The following STK38L variants were observed in gnomAD, a reference collection of about 807,000 sequenced individuals.
The protein encoded by STK38L is serine/threonine kinase 38 like, also known as serine/threonine-protein kinase 38-like.
A neutral mutation model predicts 59.7 loss-of-function variants in STK38L; 28 were observed. That is an observed-to-expected ratio of 0.47 (90% confidence interval 0.35 to 0.64). The LOEUF (loss-of-function observed/expected upper bound fraction) is 0.64, where lower values mean the gene tolerates loss of function less well. Ranked by LOEUF, STK38L falls within the 30% of genes least tolerant of loss-of-function variation. The pLI is 0.01. For missense variants in STK38L, 314 were observed against 555.8 expected (o/e 0.56, Z 4.37); for synonymous variants, 162 against 176.8 (o/e 0.92, Z 0.66).
intron 1 of STK38L, among the ~76,000 whole-genome samples, chr12:27,293,174 C>A (rs985947476): frequency 3.3e-5 from 5 of 152,204 alleles, no homozygotes; most frequent in African/African-American, 1.2e-4. Context: ...TTTGAATTCC[C>A]TAACACTTCT....
chr12:27,296,249 A>C (rs1170691036), intron 1 of STK38L, among the ~76,000 whole-genome samples: 1 of 152,226 alleles, frequency 6.6e-6, no homozygotes, highest in Non-Finnish European at 1.5e-5. Flanking sequence ...ATATGTAGCT[A>C]ATTTGACTTG....
intron 1 of STK38L, among the ~76,000 whole-genome samples, chr12:27,291,788 G>T (rs1343403666): frequency 4.6e-5 from 7 of 152,156 alleles, no homozygotes; most frequent in Admixed American, 4.6e-4. Flanking sequence ...ATACTACAAG[G>T]CAATATAGTA....
At chr12:27,305,737 T>C (rs1185074468) in intron 3 of STK38L, among the ~76,000 whole-genome samples, 2 of 152,214 alleles carry the variant, frequency 1.3e-5, no homozygotes, top group Admixed American at 1.3e-4. Context: ...AGAAAAGCAC[T>C]TTCTAGTTTC....
intron 1 of STK38L, among the ~76,000 whole-genome samples, chr12:27,257,965 G>T (rs1371058580): frequency 1.3e-5 from 2 of 151,508 alleles, no homozygotes; most frequent in East Asian, 3.9e-4. Context: ...GGGTTCAAGT[G>T]ATTCTCCTGC....
chr12:27,277,357 A>ACG (rs1344481738), intron 1 of STK38L, among the ~76,000 whole-genome samples: 2 of 148,818 alleles, frequency 1.3e-5, no homozygotes, highest in Non-Finnish European at 3.0e-5. Context: ...CTCAAAAAAC[A>ACG]CACACACACA....
At chr12:27,250,825 C>T (rs1006667178) in intron 1 of STK38L, among the ~76,000 whole-genome samples, 2 of 151,862 alleles carry the variant, frequency 1.3e-5, no homozygotes, top group Non-Finnish European at 2.9e-5. Flanking sequence ...ATGGCCAAAC[C>T]TCGTCTCTAC....
intron 1 of STK38L, among the ~76,000 whole-genome samples, chr12:27,250,009 C>A (rs1196468996): frequency 6.6e-6 from 1 of 152,142 alleles, no homozygotes; most frequent in Non-Finnish European, 1.5e-5. Flanking sequence ...GCTACAGATA[C>A]ACCCAGAATA....
intron 5 of STK38L, among the ~76,000 whole-genome samples, chr12:27,312,214 T>A (rs890746084): frequency 2.0e-5 from 3 of 152,170 alleles, no homozygotes; most frequent in African/African-American, 4.8e-5. Flanking sequence ...ATCACACTAG[T>A]GCCCTAAATT....
intron 1 of STK38L, among the ~76,000 whole-genome samples, chr12:27,257,028 A>G (rs1943105006): frequency 6.6e-6 from 1 of 152,218 alleles, no homozygotes; most frequent in Non-Finnish European, 1.5e-5. Context: ...GTCGTTAGCT[A>G]TGAACATTTT....
intron 1 of STK38L, among the ~76,000 whole-genome samples, chr12:27,245,133 G>T (rs1304085729): frequency 6.6e-6 from 1 of 152,136 alleles, no homozygotes; most frequent in Non-Finnish European, 1.5e-5. Context: ...AGCTTTTCGG[G>T]TTCTAAGTTT....
chr12:27,281,004 A>G (rs1214469762), intron 1 of STK38L, among the ~76,000 whole-genome samples: 1 of 152,120 alleles, frequency 6.6e-6, no homozygotes, highest in Non-Finnish European at 1.5e-5. Flanking sequence ...CATGTAAGAG[A>G]AGACCAGTAA....
At chr12:27,261,626 A>G (rs1408169106) in intron 1 of STK38L, among the ~76,000 whole-genome samples, 6 of 152,150 alleles carry the variant, frequency 3.9e-5, no homozygotes, top group African/African-American at 1.2e-4. Context: ...CTCTTCTTCC[A>G]TTTTCAGCTT....
intron 1 of STK38L, among the ~76,000 whole-genome samples, chr12:27,284,764 C>T (rs1344344914): frequency 6.6e-6 from 1 of 152,112 alleles, no homozygotes; most frequent in African/African-American, 2.4e-5. Flanking sequence ...TGGTGTGGTC[C>T]TGTTCATTGC....
chr12:27,260,492 G>T (rs1671137853), intron 1 of STK38L, among the ~76,000 whole-genome samples: 1 of 152,040 alleles, frequency 6.6e-6, no homozygotes. Context: ...TCTTTGCGGG[G>T]TTTTACACGT....
At position 27,267,058 on chromosome 12, in the gene STK38L, G is replaced by C. The variant is rs1163626396; in HGVS notation, c.-12+22726G>C. 2.0e-5 allele frequency among the ~76,000 whole-genome samples: 3 copies of C among 152,100 alleles called. No homozygotes were observed. The East Asian group carries it at 5.8e-4, about 29-fold the overall frequency. On this transcript the variant is annotated intron_variant, in intron 1 of 13. Coordinates refer to ENST00000389032, the MANE Select transcript of STK38L (RefSeq NM_015000.4). ...CTCAATTTTACAGTTTCGGGTTTTT[G>C]TTTCTGTTGCAGGTTTTAAGCTCTT...
chr12:27,261,577 C>G (rs779158632), intron 1 of STK38L, among the ~76,000 whole-genome samples: 4 of 152,186 alleles, frequency 2.6e-5, no homozygotes, highest in Admixed American at 1.3e-4. Flanking sequence ...GCCCAGCCAG[C>G]TTCTTTCATT....
chr12:27,287,097 T>TA (rs1173270725), intron 1 of STK38L, among the ~76,000 whole-genome samples: 1 of 150,822 alleles, frequency 6.6e-6, no homozygotes, highest in African/African-American at 2.5e-5. Context: ...TGCTTTTAGA[T>TA]ACACTTTTTT....
chr12:27,293,242 T>G (rs187262288), intron 1 of STK38L, among the ~76,000 whole-genome samples: 1 of 152,378 alleles, frequency 6.6e-6, no homozygotes, highest in East Asian at 1.9e-4. Context: ...TCAAAAGTTT[T>G]GTCCACCTCT....
At chr12:27,295,217 A>G (rs1183618925) in intron 1 of STK38L, among the ~76,000 whole-genome samples, 1 of 152,224 alleles carries the variant, frequency 6.6e-6, no homozygotes, top group Admixed American at 6.5e-5. Context: ...GCACAATACA[A>G]AGATTAAACT....
Sources: gnomAD v4.1 joint callset for allele counts (sites outside exome capture counted in the v4.1 genomes callset) on GRCh38, gnomAD v4.1.1 for gene constraint, MANE v1.5 for transcripts, NCBI Gene and HGNC (gene_info 2026-07-23, HGNC 2026-07-21) for gene names.